ZNF609: variants seen among roughly 807,000 people sequenced by gnomAD.
ZNF609 encodes zinc finger protein 609.
In ZNF609, 11 loss-of-function variants were observed where a neutral mutation model predicts 109.5. The ratio of observed to expected loss-of-function variants is 0.10; its 90% CI spans 0.06 to 0.17. ZNF609 has a LOEUF of 0.17. Ranked by LOEUF, ZNF609 falls within the 10% of genes least tolerant of loss-of-function variation. The pLI, the probability that ZNF609 is intolerant of heterozygous loss-of-function variation, is 1.00. For missense variants in ZNF609, 1,559 were observed against 1,772.4 expected, an observed-to-expected ratio of 0.88 and a Z score of 2.16; for synonymous variants, 646 against 662.0, an observed-to-expected ratio of 0.98 and a Z score of 0.37.
At chr15:64,586,752 G>T (rs557619052) in intron 2 of ZNF609, among the ~76,000 whole-genome samples, 1 of 152,246 alleles carries the variant, frequency 6.6e-6, no homozygotes, top group South Asian at 2.1e-4. Flanking sequence ...GTAGAATGAT[G>T]ATTATTACAG....
In ZNF609 at chr15:64,575,299, C is replaced by G. The variant is rs183212512; in HGVS notation, c.748-47528C>G. Among the ~76,000 whole-genome samples, 390 of 152,162 alleles carry G rather than the reference C, an allele frequency of 2.6e-3. 2 individuals carry two copies. The highest frequency in any genetic ancestry group is 8.7e-3 in the African/African-American group (360 of 41,486). ...ATTATCTGGGTGTGGTGGCACATGCCTGTATTCCCAGCTACTCAGGAGGCT... is the reference window on the plus strand; with the variant it reads ...ATTATCTGGGTGTGGTGGCACATGCGTGTATTCCCAGCTACTCAGGAGGCT... On this transcript the variant is annotated intron_variant, in intron 2 of 9. Coordinates refer to ENST00000326648, the MANE Select transcript of ZNF609 (RefSeq NM_015042.2).
chr15:64,639,140 TA>T (rs1896218656), intron 3 of ZNF609, among the ~76,000 whole-genome samples: 1 of 152,074 alleles, frequency 6.6e-6, no homozygotes, highest in Non-Finnish European at 1.5e-5. Flanking sequence ...TTGCCTATTG[TA>T]AAAAATGCTC....
chr15:64,506,663 T>C (rs1184100019), intron 2 of ZNF609, among the ~76,000 whole-genome samples: 1 of 150,992 alleles, frequency 6.6e-6, no homozygotes, highest in Non-Finnish European at 1.5e-5. Flanking sequence ...GAGGTTGCAG[T>C]GAGCTGAGAT....
At chr15:64,657,433 G>A (rs779427799) in intron 3 of ZNF609, among the ~76,000 whole-genome samples, 29 of 151,500 alleles carry the variant, frequency 1.9e-4, no homozygotes, top group Admixed American at 5.3e-4. Context: ...AGCCAACATG[G>A]TGAAACCCCG....
chr15:64,549,748 G>C (rs1362606953), intron 2 of ZNF609, among the ~76,000 whole-genome samples: 1 of 151,960 alleles, frequency 6.6e-6, no homozygotes, highest in African/African-American at 2.4e-5. Context: ...CTTAACCATT[G>C]ATTTTTGGTC....
At chr15:64,601,403 C>A (rs1250996094) in intron 2 of ZNF609, among the ~76,000 whole-genome samples, 1 of 152,138 alleles carries the variant, frequency 6.6e-6, no homozygotes, top group Non-Finnish European at 1.5e-5. Context: ...AAGTTTAAAT[C>A]ACTTGAGGAA....
At chr15:64,648,238 A>C (rs191719350) in intron 3 of ZNF609, among the ~76,000 whole-genome samples, 2 of 152,164 alleles carry the variant, frequency 1.3e-5, no homozygotes, top group African/African-American at 4.8e-5. Context: ...TGTAATCTCA[A>C]TACTTTGGGA....
chr15:64,656,038 C>G (rs1203782238), intron 3 of ZNF609, among the ~76,000 whole-genome samples: 1 of 152,008 alleles, frequency 6.6e-6, no homozygotes, highest in African/African-American at 2.4e-5. Context: ...CAACTCAGCA[C>G]TCAGTCAAAA....
At chr15:64,525,820 G>A (rs1305178229) in intron 2 of ZNF609, among the ~76,000 whole-genome samples, 1 of 147,724 alleles carries the variant, frequency 6.8e-6, no homozygotes, top group East Asian at 2.0e-4. Context: ...GTCTCACTCT[G>A]TCCACCAGGC....
chr15:64,474,117 A>G (rs1190672441), intron 1 of ZNF609, among the ~76,000 whole-genome samples: 1 of 151,436 alleles, frequency 6.6e-6, no homozygotes, highest in Admixed American at 6.6e-5. Context: ...CATCTTGGCC[A>G]GGCTGGTCTC....
intron 3 of ZNF609, chr15:64,631,385 TG>T: frequency 1.4e-6 from 1 of 726,858 alleles, no homozygotes; most frequent in Admixed American, 1.7e-5. Flanking sequence ...AACAGCGTGC[TG>T]GGGGACACTG....
At chr15:64,625,545 A>ATATATTTGTT (rs947782830) in intron 3 of ZNF609, among the ~76,000 whole-genome samples, 6 of 152,158 alleles carry the variant, frequency 3.9e-5, no homozygotes, top group African/African-American at 1.4e-4. Flanking sequence ...ATTTGTTTGA[A>ATATATTTGTT]TGAAGGAATG....
Position 64,680,819 on chromosome 15 carries a change from G to T in ZNF609, c.4119G>T (p.Gly1373=). 6.2e-7 allele frequency: 1 copy of T among 1,613,006 alleles called. No homozygotes were observed. The highest frequency in any genetic ancestry group is 2.2e-5 in the East Asian group (1 of 44,870). Residue 1373 remains glycine, a synonymous_variant, in exon 8 of 10, where the codon GGG becomes GGT. Transcript: ENST00000326648. ...MSTHHHHHHL[G]YSLLPAQYNL... Reference sequence around the variant, plus strand: ...CACACCACCACCACCACCACTTGGGGTACTCATTGCTCCCAGCACAGTACA... The same window carrying T: ...CACACCACCACCACCACCACTTGGGTTACTCATTGCTCCCAGCACAGTACA...
chr15:64,547,446 G>T (rs558320085), intron 2 of ZNF609, among the ~76,000 whole-genome samples: 47 of 152,298 alleles, frequency 3.1e-4, no homozygotes, highest in African/African-American at 1.1e-3. Flanking sequence ...GAATACAGTT[G>T]CAATAATAAT....
At chr15:64,654,387 T>C (rs1476113921) in intron 3 of ZNF609, 7 of 152,218 alleles carry the variant, frequency 4.6e-5, no homozygotes, top group Non-Finnish European at 1.5e-5. Context: ...TTTTTTATTA[T>C]ACATGTCATG....
intron 2 of ZNF609, among the ~76,000 whole-genome samples, chr15:64,618,965 G>A (rs953831240): frequency 6.6e-6 from 1 of 152,110 alleles, no homozygotes; most frequent in African/African-American, 2.4e-5. Context: ...ACCTAGGTCC[G>A]TGGACACAGG....
At chr15:64,525,996 G>A (rs185161136) in intron 2 of ZNF609, among the ~76,000 whole-genome samples, 4 of 151,894 alleles carry the variant, frequency 2.6e-5, no homozygotes, top group Admixed American at 2.6e-4. Flanking sequence ...CACCATGTTG[G>A]CCAGGCTGGT....
intron 3 of ZNF609, among the ~76,000 whole-genome samples, chr15:64,623,699 C>A (rs1895912080): frequency 6.6e-6 from 1 of 152,032 alleles, no homozygotes; most frequent in Admixed American, 6.6e-5. Flanking sequence ...TCCACTTGCC[C>A]CTGAGAACGG....
intron 3 of ZNF609, among the ~76,000 whole-genome samples, chr15:64,649,237 A>G (rs1350930785): frequency 1.3e-5 from 2 of 152,182 alleles, no homozygotes; most frequent in African/African-American, 2.4e-5. Flanking sequence ...AAAAAATTCT[A>G]AATCTTTACA....
Sources: allele counts gnomAD v4.1 joint callset (sites outside exome capture counted in the v4.1 genomes callset), GRCh38; gene constraint gnomAD v4.1.1; transcripts MANE v1.5; gene names NCBI Gene and HGNC (gene_info 2026-07-23, HGNC 2026-07-21).